Variants in TPRG1 observed in about 807,000 individuals in gnomAD.
TPRG1 encodes the protein tumor protein p63-regulated gene 1 protein.
TPRG1 carries 29 observed loss-of-function variants against 29.3 expected under a neutral mutation model. That is an observed-to-expected ratio of 0.99 (90% CI 0.74 to 1.35). TPRG1 has a LOEUF of 1.35. TPRG1 is among the 40% of genes most tolerant of loss of function. The pLI, the probability that TPRG1 is intolerant of heterozygous loss-of-function variation, is 0.00. For synonymous variants in TPRG1, 130 were observed against 116.8 expected, an observed-to-expected ratio of 1.11 and a Z score of -0.73; for missense variants, 327 against 335.0, an observed-to-expected ratio of 0.98 and a Z score of 0.19.
chr3:189,268,071 T>C (rs1409414832), intron 4 of TPRG1, among the ~76,000 whole-genome samples: 2 of 152,198 alleles, frequency 1.3e-5, no homozygotes, highest in Non-Finnish European at 2.9e-5. Flanking sequence ...GGAAGTCACT[T>C]GGATGGAGAT....
intron 3 of TPRG1, among the ~76,000 whole-genome samples, chr3:189,005,300 A>G (rs1451857892): frequency 6.6e-6 from 1 of 152,154 alleles, no homozygotes; most frequent in Non-Finnish European, 1.5e-5. Flanking sequence ...AGTGTGATAC[A>G]AAGTGGGGAC....
At chr3:189,229,904 G>T (rs76201894) in intron 3 of TPRG1, among the ~76,000 whole-genome samples, 4,921 of 152,250 alleles carry the variant, frequency 0.032, 86 homozygotes, top group South Asian at 0.05. Flanking sequence ...TCTCTCTGCT[G>T]CTTAAAATAA....
chr3:189,223,986 G>A (rs1001767051), intron 3 of TPRG1, among the ~76,000 whole-genome samples: 7 of 152,082 alleles, frequency 4.6e-5, no homozygotes, highest in Admixed American at 2.6e-4. Flanking sequence ...ATAAGACACA[G>A]TTTCTCTCCT....
chr3:189,123,911 G>A (rs552588399), intron 1 of TPRG1, among the ~76,000 whole-genome samples: 23 of 152,290 alleles, frequency 1.5e-4, no homozygotes, highest in East Asian at 3.9e-4. Flanking sequence ...CCAGCCAGCC[G>A]TGGCAGGCCC....
chr3:189,061,099 C>A (rs1716076122), intron 4 of TPRG1, among the ~76,000 whole-genome samples: 1 of 152,124 alleles, frequency 6.6e-6, no homozygotes. Context: ...AAAATAGGCA[C>A]ATAGACCAGT....
chr3:189,286,694 A>G (rs994337632), intron 4 of TPRG1, among the ~76,000 whole-genome samples: 7 of 152,154 alleles, frequency 4.6e-5, no homozygotes, highest in Non-Finnish European at 7.4e-5. Flanking sequence ...ATGGAAACAG[A>G]GGAATGTCTC....
chr3:189,236,767 C>T (rs1294366776), intron 3 of TPRG1, among the ~76,000 whole-genome samples: 2 of 152,094 alleles, frequency 1.3e-5, no homozygotes, highest in African/African-American at 2.4e-5. Flanking sequence ...CCTTTTTCTG[C>T]TTCTCCTTTC....
intron 4 of TPRG1, among the ~76,000 whole-genome samples, chr3:189,039,434 C>T (rs1714489823): frequency 6.6e-6 from 1 of 151,990 alleles, no homozygotes; most frequent in Non-Finnish European, 1.5e-5. Context: ...TTGAAAGGAG[C>T]ATTTTAAAAA....
At chr3:189,021,909 C>T (rs1359596298) in intron 3 of TPRG1, among the ~76,000 whole-genome samples, 8 of 152,294 alleles carry the variant, frequency 5.3e-5, no homozygotes, top group African/African-American at 9.6e-5. Context: ...AGTCCCATAT[C>T]TCTTGGAGGC....
At position 189,044,494 on chromosome 3, in the gene TPRG1, G is replaced by A. The variant is rs190462965; in HGVS notation, c.-463+20548G>A. On this transcript the variant is annotated intron_variant, in intron 4 of 10. Transcript: ENST00000433971. ...CACTTGAACCTGGGAGGTGGAGGTT[G>A]CAGTGAGCTGAGATCACGCCATTGC... Among the ~76,000 whole-genome samples, 21 of 151,914 alleles carry A rather than the reference G, an allele frequency of 1.4e-4. 1 individual carries two copies. Among genetic ancestry groups the A allele is most frequent in the African/African-American group, 5.1e-4 (21 of 41,390 alleles).
intron 3 of TPRG1, among the ~76,000 whole-genome samples, chr3:189,144,208 A>G (rs1391939081): frequency 6.6e-6 from 1 of 152,212 alleles, no homozygotes; most frequent in Non-Finnish European, 1.5e-5. Flanking sequence ...AATGATGAAC[A>G]AGCAGACATC....
chr3:189,218,179 C>G (rs988161342), intron 3 of TPRG1, among the ~76,000 whole-genome samples: 4 of 152,138 alleles, frequency 2.6e-5, no homozygotes, highest in Non-Finnish European at 4.4e-5. Flanking sequence ...GTGGCGCAAT[C>G]TCGGCTCACT....
upstream of TPRG1, among the ~76,000 whole-genome samples, chr3:189,095,350 G>A (rs1389537757): frequency 6.6e-6 from 1 of 152,090 alleles, no homozygotes; most frequent in Admixed American, 6.5e-5. Context: ...TCAAAATTGT[G>A]TCTCAGTGGC....
chr3:189,166,976 G>A (rs572599803), upstream of TPRG1, among the ~76,000 whole-genome samples: 460 of 152,268 alleles, frequency 3.0e-3, 6 homozygotes, highest in African/African-American at 8.7e-3. Flanking sequence ...ATGCAGAAAC[G>A]GGGAGATAAT....
intron 4 of TPRG1, among the ~76,000 whole-genome samples, chr3:189,250,901 G>A (rs1354667473): frequency 1.3e-5 from 2 of 152,026 alleles, no homozygotes; most frequent in East Asian, 3.9e-4. Context: ...ACATCTTACA[G>A]GTGAGAAATG....
At chr3:189,057,805 TATATATATGTGTGTATATATATACACAC>T (rs1465109885) in intron 4 of TPRG1, among the ~76,000 whole-genome samples, 1 of 145,960 alleles carries the variant, frequency 6.9e-6, no homozygotes, top group Non-Finnish European at 1.5e-5. Flanking sequence ...GGTATGTATG[TATATATATGTGTGTATATATATACACAC>T]ATATGTATGT....
chr3:189,068,006 A>G (rs1422128114), intron 4 of TPRG1, among the ~76,000 whole-genome samples: 1 of 152,240 alleles, frequency 6.6e-6, no homozygotes, highest in African/African-American at 2.4e-5. Flanking sequence ...AAAATGGACA[A>G]AAGATCTGAA....
At chr3:189,153,728 A>G (rs981867104) in intron 5 of TPRG1, among the ~76,000 whole-genome samples, 1 of 152,202 alleles carries the variant, frequency 6.6e-6, no homozygotes, top group Non-Finnish European at 1.5e-5. Flanking sequence ...CCTTGAGTCT[A>G]CCTCAGAGAG....
chr3:189,083,824 C>CATAGATAAAGAAATTT (rs1369812245), intron 4 of TPRG1, among the ~76,000 whole-genome samples: 3 of 126,354 alleles, frequency 2.4e-5, no homozygotes, highest in African/African-American at 1.0e-4. Context: ...TTCTTTATCT[C>CATAGATAAAGAAATTT]TGATCTTCAG....
Sources: gnomAD v4.1 joint callset for allele counts (sites outside exome capture counted in the v4.1 genomes callset) on GRCh38, gnomAD v4.1.1 for gene constraint, MANE v1.5 for transcripts, NCBI Gene and HGNC (gene_info 2026-07-23, HGNC 2026-07-21) for gene names.